ACCSL: variants seen among roughly 807,000 people sequenced by gnomAD.
ACCSL encodes the protein probable inactive 1-aminocyclopropane-1-carboxylate synthase-like protein 2.
ACCSL carries 55 observed loss-of-function variants against 61.7 expected under a neutral mutation model. The observed-to-expected ratio is 0.89, with a 90% confidence interval of 0.72 to 1.12. The LOEUF is 1.12. ACCSL is among the 50% of genes most tolerant of loss of function. The probability of loss-of-function intolerance (pLI) is 0.00; values close to 1 mark genes in which losing one functional copy is unlikely to be tolerated. For missense variants in ACCSL, 632 were observed against 698.0 expected, an observed-to-expected ratio of 0.91 and a Z score of 1.07; for synonymous variants, 258 against 264.3, an observed-to-expected ratio of 0.98 and a Z score of 0.23.
the ACCSL span, among the ~76,000 whole-genome samples, chr11:44,007,764 G>A: frequency 6.6e-6 from 1 of 152,186 alleles, no homozygotes; most frequent in Non-Finnish European, 1.5e-5. Flanking sequence ...TTGCTGGTTT[G>A]TGGTGTAGAT....
chr11:43,926,566 G>A, the ACCSL span: 4 of 447,624 alleles, frequency 8.9e-6, no homozygotes, highest in African/African-American at 2.0e-5. Flanking sequence ...TACGTGAAAG[G>A]AAGACACAGT....
upstream of ACCSL, among the ~76,000 whole-genome samples, chr11:44,046,929 G>T (rs1952601604): frequency 6.6e-6 from 1 of 152,010 alleles, no homozygotes; most frequent in Non-Finnish European, 1.5e-5. Flanking sequence ...CAAAAGGAAG[G>T]TTAATCCTAA....
chr11:43,954,023 G>A, the ACCSL span, among the ~76,000 whole-genome samples: 185 of 152,226 alleles, frequency 1.2e-3, 1 homozygote, highest in African/African-American at 4.0e-3. Flanking sequence ...GCAAGGTGAC[G>A]GGAAGGGGTG....
At chr11:43,926,063 C>T in the ACCSL span, among the ~76,000 whole-genome samples, 2 of 152,098 alleles carry the variant, frequency 1.3e-5, no homozygotes, top group Non-Finnish European at 2.9e-5. Flanking sequence ...TTGCAGTCAG[C>T]AAGGGTTGGG....
chr11:43,942,578 C>G, the ACCSL span: 29 of 312,968 alleles, frequency 9.3e-5, no homozygotes, highest in East Asian at 4.7e-3. Flanking sequence ...GTCATCCGAG[C>G]TCAGAGCCGT....
At chr11:43,942,615 G>C in the ACCSL span, 1 of 308,146 alleles carries the variant, frequency 3.2e-6, no homozygotes, top group African/African-American at 2.3e-5. Context: ...TATATAAGCC[G>C]CGAGCCTGGC....
the ACCSL span, among the ~76,000 whole-genome samples, chr11:44,025,171 C>T: frequency 2.0e-4 from 30 of 152,136 alleles, 1 homozygote; most frequent in African/African-American, 5.1e-4. Context: ...TTGTAATTAC[C>T]GTTTAGGTAG....
In ACCSL at chr11:44,056,244, C is replaced by G; in HGVS notation, c.1245C>G (p.Ala415=). Residue 415 remains alanine, a synonymous_variant, in exon 11 of 14, where the codon GCC becomes GCG. Transcript: ENST00000378832. ...GALYTHNKEV[A]SAVSAFGYLH... ...TGTATACCCACAACAAGGAGGTGGC[C>G]TCTGCTGTGAGTGCCTTTGGCTACC... The G allele has an allele frequency of 6.2e-7, 1 of 1,614,192 alleles. No individual in the cohort carries two copies. Among genetic ancestry groups the G allele is most frequent in the Non-Finnish European group, 8.5e-7 (1 of 1,180,040 alleles).
chr11:44,024,143 T>C, the ACCSL span, among the ~76,000 whole-genome samples: 14 of 152,234 alleles, frequency 9.2e-5, no homozygotes, highest in Non-Finnish European at 1.9e-4. Flanking sequence ...ATCAGTCTAC[T>C]GATGGTCTGA....
chr11:43,935,019 C>T, the ACCSL span, among the ~76,000 whole-genome samples: 1 of 152,310 alleles, frequency 6.6e-6, no homozygotes, highest in East Asian at 1.9e-4. Flanking sequence ...TTCCCCAGGA[C>T]ACCCCTCCAT....
chr11:44,031,379 C>G, the ACCSL span, among the ~76,000 whole-genome samples: 1 of 152,066 alleles, frequency 6.6e-6, no homozygotes, highest in African/African-American at 2.4e-5. Context: ...TTTCCTGTGG[C>G]CTTAGAACTT....
chr11:43,955,762 T>G, the ACCSL span, among the ~76,000 whole-genome samples: 1,764 of 152,164 alleles, frequency 0.012, 37 homozygotes, highest in African/African-American at 0.041. Flanking sequence ...GTTGCAAATC[T>G]TGTTACCTCT....
At chr11:44,039,451 T>C in the ACCSL span, among the ~76,000 whole-genome samples, 1 of 151,718 alleles carries the variant, frequency 6.6e-6, no homozygotes, top group East Asian at 1.9e-4. Flanking sequence ...GGAGCTAAGC[T>C]ATGAGGATGC....
chr11:44,039,838 A>G, the ACCSL span, among the ~76,000 whole-genome samples: 1 of 152,276 alleles, frequency 6.6e-6, no homozygotes, highest in East Asian at 1.9e-4. Flanking sequence ...GTAGACCCCT[A>G]GAGAAAGCAG....
the ACCSL span, among the ~76,000 whole-genome samples, chr11:43,996,252 G>A: frequency 6.6e-6 from 1 of 152,208 alleles, no homozygotes; most frequent in Non-Finnish European, 1.5e-5. Context: ...CTTTGTTTTA[G>A]CAATCCCAGG....
the ACCSL span, among the ~76,000 whole-genome samples, chr11:44,035,661 G>A: frequency 7.0e-4 from 106 of 152,266 alleles, no homozygotes; most frequent in Middle Eastern, 3.4e-3. Context: ...GAAGGGGCAG[G>A]GCACGGTGGC....
chr11:44,012,333 C>T, the ACCSL span, among the ~76,000 whole-genome samples: 4 of 151,594 alleles, frequency 2.6e-5, no homozygotes, highest in Non-Finnish European at 4.4e-5. Context: ...TTTGCCCAGG[C>T]GGGAATGCAA....
In ACCSL at chr11:44,053,037, T is replaced by C; in HGVS notation, c.917T>C (p.Leu306Ser). 1 of 1,614,160 alleles carries C rather than the reference T, an allele frequency of 6.2e-7. No individual in the cohort carries two copies. The highest frequency in any genetic ancestry group is 8.5e-7 in the Non-Finnish European group (1 of 1,180,010). ...THPFQLTVDK[L>S]EEALLEARLE... ...CCTTTCCAGCTCACTGTGGACAAGT[T>C]AGAGGAAGCCCTGCTTGAAGCTAGG... The change falls in exon 7 of 14, where the codon TTA becomes TCA. Residue 306 changes from leucine (L) to serine (S), a missense_variant. Transcript: ENST00000378832.
At chr11:44,021,666 G>T in the ACCSL span, among the ~76,000 whole-genome samples, 1 of 151,984 alleles carries the variant, frequency 6.6e-6, no homozygotes, top group Non-Finnish European at 1.5e-5. Flanking sequence ...ATTTACTTTT[G>T]GGTTCTTGGT....
Sources: gnomAD v4.1 joint callset for allele counts (sites outside exome capture counted in the v4.1 genomes callset) on GRCh38, gnomAD v4.1.1 for gene constraint, MANE v1.5 for transcripts, NCBI Gene and HGNC (gene_info 2026-07-23, HGNC 2026-07-21) for gene names.